DNAH5: variants seen among roughly 807,000 people sequenced by gnomAD.
DNAH5 encodes the protein dynein axonemal heavy chain 5.
In DNAH5, 372 loss-of-function variants were observed where a neutral mutation model predicts 518.2. That is an observed-to-expected ratio of 0.72 (90% CI 0.66 to 0.78). The LOEUF is 0.78. Ranked by LOEUF, DNAH5 falls within the 30% of genes least tolerant of loss-of-function variation. The probability of loss-of-function intolerance (pLI) is 0.00; values close to 1 mark genes in which losing one functional copy is unlikely to be tolerated. For missense variants in DNAH5, 5,523 were observed against 5,687.0 expected, an observed-to-expected ratio of 0.97 and a Z score of 0.93; for synonymous variants, 2,039 against 2,025.9, an observed-to-expected ratio of 1.01 and a Z score of -0.17.
rs1257204643 is a variant in DNAH5, at chr5:13,769,265, T to C, written c.9721-129A>G. On this transcript the variant is annotated intron_variant, in intron 57 of 78. Transcript: ENST00000265104. The stretch of plus-strand genomic sequence containing the variant: ...TTTTGTTGTTTTTTTTTTTTTTTTT[T>C]GAGATGGAGTCTCGCTCTGTCGCCC... The C allele has an allele frequency of 1.5e-5, 14 of 933,628 alleles. No individual in the cohort carries two copies. The Admixed American group carries it at 2.6e-4, about 18-fold the overall frequency. 57.8% of individuals were successfully genotyped at this position (933,628 alleles called of 1,614,324 possible).
At chr5:13,959,613 G>C (rs77435928) in intron 1 of DNAH5, among the ~76,000 whole-genome samples, 1 of 152,172 alleles carries the variant, frequency 6.6e-6, no homozygotes, top group African/African-American at 2.4e-5. Context: ...TTTTACCCCC[G>C]TGGGTCTCCC....
intron 12 of DNAH5, among the ~76,000 whole-genome samples, chr5:13,906,173 C>T (rs1294505814): frequency 6.6e-6 from 1 of 152,136 alleles, no homozygotes; most frequent in Non-Finnish European, 1.5e-5. Flanking sequence ...GATATTACCA[C>T]GGTCGATGCA....
In DNAH5 at chr5:13,886,098, T is replaced by C. The variant is rs201267711; in HGVS notation, c.2609A>G (p.His870Arg). The change falls in exon 18 of 79, where the codon CAT (histidine) becomes CGT (arginine). Residue 870 changes from histidine (H) to arginine (R), a missense_variant. His to Arg is a conservative substitution (Grantham distance 29, BLOSUM62 0). Around this residue, in one of 3 missense-constraint regions of DNAH5, gnomAD observed 5,121 missense variants for 5,223.3 expected, o/e 0.98. Coordinates refer to ENST00000265104, the MANE Select transcript of DNAH5 (RefSeq NM_001369.3). Reference sequence around the variant, plus strand: ...CTCCTCCACTAATGAGCTTTTAAAATGTAGTATTTGTGCACCATTTACACA... The same window carrying C: ...CTCCTCCACTAATGAGCTTTTAAAACGTAGTATTTGTGCACCATTTACACA... ...DLCVNGAQIL[H>R]FKSSLVEEAV... 6.9e-6 allele frequency: 11 copies of C among 1,595,952 alleles called. No individual in the cohort carries two copies. In the African/African-American group the frequency reaches 9.7e-5, roughly 14 times the overall value.
intron 1 of DNAH5, among the ~76,000 whole-genome samples, chr5:13,961,349 G>C (rs977534505): frequency 6.6e-6 from 1 of 152,158 alleles, no homozygotes; most frequent in Non-Finnish European, 1.5e-5. Context: ...CTCAGAGATG[G>C]AAAGGTAAAG....
intron 1 of DNAH5, among the ~76,000 whole-genome samples, chr5:14,004,004 G>A (rs925559214): frequency 4.6e-5 from 7 of 151,868 alleles, no homozygotes; most frequent in Non-Finnish European, 7.3e-5. Flanking sequence ...TATGGAAATC[G>A]GAAGAGAAAA....
Position 13,911,391 on chromosome 5 carries a change from G to C in DNAH5, c.1639C>G (p.Leu547Val), listed in dbSNP as rs1775975227. ...AATTTTATTATACAACCTACATGAA[G>C]GTCATTAGTCTGCTTGCAAAACTCT... ...YEEFCKQTND[L>V]HNELRKFMDV... Residue 547 changes from leucine (L) to valine (V), a missense_variant, in exon 12 of 79, where the codon CTT becomes GTT. Physicochemically the swap from Leu to Val is conservative, Grantham distance 32 (BLOSUM62 1). This residue lies in a region of DNAH5 where 5,121 missense variants were observed against 5,223.3 expected (regional missense o/e 0.98). Coordinates refer to ENST00000265104, the MANE Select transcript of DNAH5 (RefSeq NM_001369.3). 1 of 1,612,164 alleles carries C rather than the reference G, an allele frequency of 6.2e-7. No homozygotes were observed. Among genetic ancestry groups the C allele is most frequent in the Middle Eastern group, 1.7e-4 (1 of 6,054 alleles).
intron 38 of DNAH5, among the ~76,000 whole-genome samples, chr5:13,827,410 C>T (rs1270671653): frequency 6.6e-6 from 1 of 150,576 alleles, no homozygotes; most frequent in African/African-American, 2.5e-5. Context: ...TTTCCTGGGC[C>T]AGGTCCAGGG....
chr5:13,894,501 A>G, intron 16 of DNAH5, 149 bp downstream of exon 16: 1 of 777,992 alleles, frequency 1.3e-6, no homozygotes, highest in Non-Finnish European at 2.0e-6. Flanking sequence ...CTGAATTCGC[A>G]TGTTTTGGAA....
chr5:13,841,918 CAAAAAAA>C lies in DNAH5; in HGVS notation c.5272-21_5272-15del. The C allele has an allele frequency of 2.7e-5, 16 of 591,084 alleles. No homozygotes were observed. Among genetic ancestry groups the C allele is most frequent in the South Asian group, 4.2e-5 (2 of 47,684 alleles). The allele number at this position is 591,084 out of a possible 1,614,324, so 36.6% of individuals were successfully genotyped here. ...TCGATCATAGATCTATGTTAGAAAC[CAAAAAAA>C]AAAAAAAAAAAAGCTATAGTCATAT... On this transcript the variant is annotated splice_polypyrimidine_tract_variant and intron_variant, in intron 32 of 78. Transcript: ENST00000265104.
In DNAH5 at chr5:13,913,806, C is replaced by T. The variant is rs142684499; in HGVS notation, c.1473G>A (p.Lys491=). The part of the protein sequence containing the change: ...AKIIDIFTTL[K]TYSVLQDSTI... ...TGGAATCTTGCAGGACTGAATACGTCTTGAGGGTTGTAAAGATGTCTATTA... is the reference window on the plus strand; with the variant it reads ...TGGAATCTTGCAGGACTGAATACGTTTTGAGGGTTGTAAAGATGTCTATTA... The change falls in exon 11 of 79, where the codon AAG becomes AAA. Residue 491 remains lysine, a synonymous_variant. Transcript: ENST00000265104. The T allele has an allele frequency of 5.0e-6, 8 of 1,613,436 alleles. No homozygotes were observed. In the African/African-American group the frequency reaches 9.4e-5, roughly 19 times the overall value.
intron 9 of DNAH5, among the ~76,000 whole-genome samples, chr5:13,915,200 T>G (rs1458563785): frequency 1.3e-5 from 2 of 152,154 alleles, no homozygotes; most frequent in African/African-American, 4.8e-5. Context: ...TAAATGACTA[T>G]GCTGTATCCA....
Position 13,770,793 on chromosome 5 carries a change from G to A in DNAH5, c.9561C>T (p.Phe3187=), listed in dbSNP as rs761332828. ...SYLSFIQGYK[F]IYGEKHVEVR... ...CCTCCACATGCTTTTCTCCATATAT[G>A]AACTTATAGCCCTGAATAAAGGAGA... Residue 3187 remains phenylalanine, a synonymous_variant, in exon 56 of 79, where the codon TTC becomes TTT. Transcript: ENST00000265104. 5.6e-6 allele frequency: 9 copies of A among 1,614,000 alleles called. No homozygotes were observed. In the Admixed American group the frequency reaches 1.3e-4, roughly 24 times the overall value.
intron 1 of DNAH5, among the ~76,000 whole-genome samples, chr5:14,003,185 T>C (rs989105478): frequency 3.9e-5 from 6 of 152,242 alleles, no homozygotes; most frequent in Non-Finnish European, 8.8e-5. Context: ...TTTCTATAAA[T>C]TATATTCTTG....
chr5:13,870,014 C>T (rs1333371116), intron 24 of DNAH5, among the ~76,000 whole-genome samples: 1 of 151,800 alleles, frequency 6.6e-6, no homozygotes, highest in East Asian at 1.9e-4. Context: ...AATATTATAA[C>T]TAATAAGTAA....
In DNAH5 at chr5:13,753,447, C is replaced by T. The variant is rs144393366; in HGVS notation, c.10658G>A (p.Arg3553Gln). ...LNDWRKEMKA[R>Q]KIPFGKNLNL... ...TAGGTTCTTTCCAAATGGAATTTTC[C>T]GGGCTTTCATTTCCTTCCGCCAGTC... Residue 3553 changes from arginine to glutamine, a missense_variant, in exon 63 of 79, where the codon CGG (arginine) becomes CAG (glutamine). Arg to Gln is a conservative substitution (Grantham distance 43). Coordinates refer to ENST00000265104, the MANE Select transcript of DNAH5 (RefSeq NM_001369.3). The T allele has an allele frequency of 1.4e-4, 231 of 1,613,846 alleles. No homozygotes were observed. Among genetic ancestry groups the T allele is most frequent in the Middle Eastern group, 4.9e-4 (3 of 6,084 alleles).
intron 47 of DNAH5, among the ~76,000 whole-genome samples, chr5:13,804,947 A>G (rs929778621): frequency 2.0e-5 from 3 of 152,184 alleles, no homozygotes; most frequent in African/African-American, 7.2e-5. Context: ...GCAGAGATAA[A>G]TGTCACAGAG....
intron 44 of DNAH5, 67 bp downstream of exon 44, chr5:13,811,580 T>G: frequency 7.0e-7 from 1 of 1,426,820 alleles, no homozygotes; most frequent in Non-Finnish European, 9.9e-7. Context: ...AGAGAAAATA[T>G]AGTACTCTCT....
intron 1 of DNAH5, among the ~76,000 whole-genome samples, chr5:13,968,667 A>AT (rs1438308087): frequency 5.9e-5 from 9 of 152,274 alleles, no homozygotes; most frequent in Admixed American, 5.2e-4. Flanking sequence ...ATAAAACCTA[A>AT]TTGATCATGG....
intron 74 of DNAH5, among the ~76,000 whole-genome samples, chr5:13,715,519 G>A (rs1401933969): frequency 3.3e-5 from 5 of 152,208 alleles, no homozygotes; most frequent in Non-Finnish European, 7.3e-5. Context: ...AAAGTGCAGA[G>A]GCGGTAATAT....
Sources: gnomAD v4.1 joint callset for allele counts (sites outside exome capture counted in the v4.1 genomes callset) on GRCh38, gnomAD v4.1.1 for gene constraint, gnomAD v4.1.1 regional missense constraint, MANE v1.5 for transcripts, NCBI Gene and HGNC (gene_info 2026-07-23, HGNC 2026-07-21) for gene names.